Variants in TRPC5 observed in about 807,000 individuals in gnomAD.
The protein encoded by TRPC5 is transient receptor potential cation channel subfamily C member 5, also known as short transient receptor potential channel 5.
TRPC5 carries 9 observed loss-of-function variants against 56.5 expected under a neutral mutation model. The ratio of observed to expected loss-of-function variants is 0.16; its 90% CI spans 0.10 to 0.28. TRPC5 has a LOEUF of 0.28. Among genes scored for constraint, TRPC5 ranks in the 10% least tolerant of loss-of-function variants. The pLI, the probability that TRPC5 is intolerant of heterozygous loss-of-function variation, is 1.00. For missense variants in TRPC5, 469 were observed against 748.9 expected (o/e 0.63, Z 4.36); for synonymous variants, 282 against 278.5 (o/e 1.01, Z -0.13).
rs753161097 is a variant in TRPC5 at position 111,847,445 on chromosome X, A to C, written c.1378-9T>G. On this transcript the variant is annotated splice_polypyrimidine_tract_variant and intron_variant, in intron 5 of 10. Transcript: ENST00000262839. Reference sequence around the variant, plus strand: ...GGACGAGAACCATTATACTGAAAGAAACAACAAGTGCACAAGATGAGGGGT... The same window carrying C: ...GGACGAGAACCATTATACTGAAAGACACAACAAGTGCACAAGATGAGGGGT... 1 of 1,192,401 alleles carries C rather than the reference A, an allele frequency of 8.4e-7. No individual in the cohort carries two copies. The highest frequency in any genetic ancestry group is 3.0e-5 in the East Asian group (1 of 33,616).
chrX:111,893,306 A>G (rs1742038367), intron 3 of TRPC5, among the ~76,000 whole-genome samples: 1 of 111,061 alleles, frequency 9.0e-6, no homozygotes, highest in African/African-American at 3.3e-5. Flanking sequence ...TGAAAACCAA[A>G]AAAATCTTTC....
chrX:112,032,692 T>G (rs111463604), intron 1 of TRPC5, among the ~76,000 whole-genome samples: 5 of 112,399 alleles, frequency 4.4e-5, no homozygotes, highest in African/African-American at 1.6e-4. Context: ...CCTGAAGAAC[T>G]ACCAAATTGC....
chrX:112,063,609 G>A (rs948643820), intron 1 of TRPC5, among the ~76,000 whole-genome samples: 1 of 111,771 alleles, frequency 8.9e-6, no homozygotes, highest in East Asian at 2.8e-4. Flanking sequence ...CAGGGCACAG[G>A]AAGACATTTT....
At chrX:111,978,889 CTTAATAAAGTTGT>C (rs1026360097) in intron 1 of TRPC5, among the ~76,000 whole-genome samples, 13 of 111,029 alleles carry the variant, frequency 1.2e-4, no homozygotes, top group Admixed American at 1.9e-4. Flanking sequence ...TCAATTATAT[CTTAATAAAGTTGT>C]TTAAAAAAGA....
At chrX:112,016,520 A>G (rs773404503) in intron 1 of TRPC5, among the ~76,000 whole-genome samples, 2 of 111,282 alleles carry the variant, frequency 1.8e-5, no homozygotes, top group Non-Finnish European at 3.8e-5. Context: ...GGTGCTCAGA[A>G]AGCATAGTTG....
At chrX:111,842,868 T>A (rs1044419817) in intron 6 of TRPC5, among the ~76,000 whole-genome samples, 2 of 106,668 alleles carry the variant, frequency 1.9e-5, no homozygotes, top group Non-Finnish European at 3.9e-5. Context: ...GATACTCCAG[T>A]CATCCTGGGG....
At chrX:111,936,261 T>A (rs1569528297) in intron 2 of TRPC5, among the ~76,000 whole-genome samples, 1 of 111,875 alleles carries the variant, frequency 8.9e-6, no homozygotes, top group Non-Finnish European at 1.9e-5. Context: ...TGTTTGCTGT[T>A]GGCATACAGA....
In TRPC5 at chrX:111,913,202, A is replaced by G. The variant is rs140760777; in HGVS notation, c.379-390T>C. Among the ~76,000 whole-genome samples, 72 of 111,846 alleles carry G rather than the reference A, an allele frequency of 6.4e-4. 2 individuals carry two copies. In the East Asian group the frequency reaches 0.02, roughly 32 times the overall value. ...GAGTCAAATTGTCAATTATGCAATGACAACATGCCCATTTCTGTCTGAGAC... is the reference window on the plus strand; with the variant it reads ...GAGTCAAATTGTCAATTATGCAATGGCAACATGCCCATTTCTGTCTGAGAC... On this transcript the variant is annotated intron_variant, in intron 2 of 10. Transcript: ENST00000262839.
At chrX:111,978,155 A>C (rs1927980387) in intron 1 of TRPC5, among the ~76,000 whole-genome samples, 1 of 112,059 alleles carries the variant, frequency 8.9e-6, no homozygotes, top group South Asian at 3.7e-4. Flanking sequence ...ACAAAGAGTT[A>C]ATATTCACTC....
chrX:111,909,131 TA>T (rs1393206550), intron 3 of TRPC5, among the ~76,000 whole-genome samples: 63 of 58,715 alleles, frequency 1.1e-3, no homozygotes, highest in African/African-American at 5.3e-3. Flanking sequence ...TAAAAATAAA[TA>T]AATAAATAAA....
intron 3 of TRPC5, among the ~76,000 whole-genome samples, chrX:111,854,877 C>A (rs1428478689): frequency 1.8e-5 from 2 of 111,870 alleles, no homozygotes; most frequent in Non-Finnish European, 3.8e-5. Flanking sequence ...TATTTTGGGG[C>A]TGGCATTACG....
At chrX:111,998,505 A>G in intron 1 of TRPC5, among the ~76,000 whole-genome samples, 1 of 111,512 alleles carries the variant, frequency 9.0e-6, no homozygotes, top group Non-Finnish European at 1.9e-5. Context: ...TGTATTCCAA[A>G]ATCCAAACAT....
chrX:111,856,819 C>CAA (rs59633997), intron 3 of TRPC5, among the ~76,000 whole-genome samples: 109 of 36,051 alleles, frequency 3.0e-3, no homozygotes, highest in African/African-American at 0.011. Context: ...ACTCCATCTC[C>CAA]AAAAAAAAAA....
chrX:111,862,057 T>C (rs1232435812), intron 3 of TRPC5, among the ~76,000 whole-genome samples: 4 of 112,247 alleles, frequency 3.6e-5, no homozygotes. Context: ...CTTACTTAGC[T>C]TGAATCCTAA....
intron 1 of TRPC5, among the ~76,000 whole-genome samples, chrX:111,978,674 A>T (rs1269931146): frequency 9.0e-6 from 1 of 111,035 alleles, no homozygotes. Flanking sequence ...AATATACAAC[A>T]TGGTGACAAT....
At chrX:112,061,428 T>C (rs956087287) in intron 1 of TRPC5, among the ~76,000 whole-genome samples, 4 of 111,610 alleles carry the variant, frequency 3.6e-5, no homozygotes, top group African/African-American at 1.3e-4. Context: ...AAAAGCCATG[T>C]CTGAGGAGGA....
intron 9 of TRPC5, among the ~76,000 whole-genome samples, chrX:111,779,345 A>G (rs748910674): frequency 8.9e-6 from 1 of 112,195 alleles, no homozygotes; most frequent in East Asian, 2.8e-4. Flanking sequence ...TAATTCTTGC[A>G]TGGTCATATA....
chrX:112,009,842 G>C (rs1928944695), intron 1 of TRPC5, among the ~76,000 whole-genome samples: 1 of 111,059 alleles, frequency 9.0e-6, no homozygotes, highest in South Asian at 3.9e-4. Flanking sequence ...ACCGGGGCCT[G>C]TTGTGGGGTG....
intron 3 of TRPC5, among the ~76,000 whole-genome samples, chrX:111,907,356 G>A (rs893530187): frequency 1.8e-5 from 2 of 111,416 alleles, no homozygotes; most frequent in African/African-American, 6.5e-5. Context: ...GACTGGCGCG[G>A]TGGCTCATCC....
Sources: allele counts gnomAD v4.1 joint callset (sites outside exome capture counted in the v4.1 genomes callset), GRCh38; gene constraint gnomAD v4.1.1; transcripts MANE v1.5; gene names NCBI Gene and HGNC (gene_info 2026-07-23, HGNC 2026-07-21).